Variants in IL1RAPL1 observed in about 807,000 individuals in gnomAD.
IL1RAPL1 encodes the protein interleukin-1 receptor accessory protein-like 1.
IL1RAPL1 carries 3 observed loss-of-function variants against 48.4 expected under a neutral mutation model. That is an observed-to-expected ratio of 0.06 (90% CI 0.03 to 0.16). The LOEUF is 0.16. IL1RAPL1 is among the 10% of genes least tolerant of loss of function. The pLI is 1.00. For missense variants in IL1RAPL1, 349 were observed against 530.6 expected (o/e 0.66, Z 3.36); for synonymous variants, 185 against 187.7 (o/e 0.99, Z 0.12).
chrX:29,115,021 C>T (rs950628448), intron 2 of IL1RAPL1, among the ~76,000 whole-genome samples: 1 of 111,593 alleles, frequency 9.0e-6, no homozygotes, highest in Non-Finnish European at 1.9e-5. Context: ...CTTAAAGGAC[C>T]TCAAATATTT....
At chrX:29,226,906 A>G (rs1219487655) in intron 2 of IL1RAPL1, among the ~76,000 whole-genome samples, 4 of 111,759 alleles carry the variant, frequency 3.6e-5, no homozygotes, top group African/African-American at 9.8e-5. Flanking sequence ...AGACAAAATA[A>G]TAACATTCCA....
chrX:29,810,393 G>T (rs1712196661), intron 6 of IL1RAPL1, among the ~76,000 whole-genome samples: 1 of 110,352 alleles, frequency 9.1e-6, no homozygotes, highest in South Asian at 3.9e-4. Context: ...GTTTCACCAT[G>T]TTGGCCAGGC....
chrX:29,917,424 A>G, intron 6 of IL1RAPL1, 40 bp from the exon 7 acceptor site: 2 of 1,190,050 alleles, frequency 1.7e-6, no homozygotes, highest in African/African-American at 1.7e-5. Context: ...AAGTGTGAAC[A>G]AATAGTTTTA....
chrX:29,738,145 T>C (rs1283614991), intron 6 of IL1RAPL1, among the ~76,000 whole-genome samples: 5 of 112,186 alleles, frequency 4.5e-5, no homozygotes, highest in Non-Finnish European at 9.4e-5. Flanking sequence ...ACTTTGCGAA[T>C]CAATTCCAGA....
At chrX:29,485,636 C>T (rs748125775) in intron 5 of IL1RAPL1, among the ~76,000 whole-genome samples, 1 of 111,487 alleles carries the variant, frequency 9.0e-6, no homozygotes, top group South Asian at 3.8e-4. Flanking sequence ...ACAGTCCTTT[C>T]ATGCTATATG....
chrX:29,202,140 A>G (rs1230968935), intron 2 of IL1RAPL1, among the ~76,000 whole-genome samples: 2 of 112,653 alleles, frequency 1.8e-5, no homozygotes, highest in Non-Finnish European at 3.7e-5. Flanking sequence ...AATATCCAGC[A>G]TCTATAGGGA....
chrX:29,720,544 G>C (rs963975150), intron 6 of IL1RAPL1, among the ~76,000 whole-genome samples: 1 of 110,969 alleles, frequency 9.0e-6, no homozygotes, highest in Non-Finnish European at 1.9e-5. Flanking sequence ...ATAAGTGGGA[G>C]TTGAACAATG....
At chrX:29,252,321 G>A (rs1338558578) in intron 2 of IL1RAPL1, among the ~76,000 whole-genome samples, 11 of 112,921 alleles carry the variant, frequency 9.7e-5, no homozygotes, top group African/African-American at 3.6e-4. Flanking sequence ...GAGAAAAGAT[G>A]GAAGCAAATA....
chrX:29,733,782 A>G, intron 6 of IL1RAPL1, among the ~76,000 whole-genome samples: 1 of 112,502 alleles, frequency 8.9e-6, no homozygotes. Flanking sequence ...CATATACCAA[A>G]TAAGAATTAA....
chrX:29,507,811 C>G (rs1345910660), intron 5 of IL1RAPL1, among the ~76,000 whole-genome samples: 1 of 111,001 alleles, frequency 9.0e-6, no homozygotes, highest in African/African-American at 3.3e-5. Flanking sequence ...TGTGCCTATT[C>G]CAGTATTGAT....
At chrX:29,752,108 A>G (rs113355829) in intron 6 of IL1RAPL1, among the ~76,000 whole-genome samples, 1 of 100,471 alleles carries the variant, frequency 1.0e-5, no homozygotes. Flanking sequence ...ATATATACAC[A>G]CATATATATA....
chrX:28,859,989 A>G (rs1292641490), intron 2 of IL1RAPL1, among the ~76,000 whole-genome samples: 1 of 111,124 alleles, frequency 9.0e-6, no homozygotes, highest in African/African-American at 3.3e-5. Flanking sequence ...CATTGAAGGT[A>G]CCACTCACTT....
intron 2 of IL1RAPL1, among the ~76,000 whole-genome samples, chrX:29,268,770 T>C (rs1931995534): frequency 8.9e-6 from 1 of 112,165 alleles, no homozygotes; most frequent in African/African-American, 3.2e-5. Flanking sequence ...GCTAGAACAG[T>C]GCCCTAGGAT....
intron 1 of IL1RAPL1, among the ~76,000 whole-genome samples, chrX:28,724,966 T>C (rs1166986220): frequency 2.8e-5 from 3 of 106,456 alleles, no homozygotes; most frequent in African/African-American, 1.0e-4. Flanking sequence ...TTTTTTTTTT[T>C]TCTGAGACGG....
chrX:29,172,365 TCAAGA>T (rs1220397410), intron 2 of IL1RAPL1, among the ~76,000 whole-genome samples: 2 of 111,707 alleles, frequency 1.8e-5, no homozygotes, highest in Non-Finnish European at 3.8e-5. Context: ...TGGTCCCTGT[TCAAGA>T]CATAGTGAAT....
intron 4 of IL1RAPL1, among the ~76,000 whole-genome samples, chrX:29,398,933 G>T (rs992990474): frequency 1.8e-5 from 2 of 111,898 alleles, no homozygotes; most frequent in Non-Finnish European, 3.8e-5. Flanking sequence ...AGTATTCATT[G>T]GTTCAAAAAT....
chrX:29,213,689 C>A (rs1930814587), intron 2 of IL1RAPL1, among the ~76,000 whole-genome samples: 1 of 112,718 alleles, frequency 8.9e-6, no homozygotes, highest in Non-Finnish European at 1.9e-5. Flanking sequence ...ACTGCTTGTT[C>A]TTTCTCCTTT....
At chrX:29,475,932 G>A (rs1014680124) in intron 5 of IL1RAPL1, among the ~76,000 whole-genome samples, 1 of 110,525 alleles carries the variant, frequency 9.0e-6, no homozygotes, top group East Asian at 2.8e-4. Flanking sequence ...TGGAAACTTA[G>A]CATGACTATA....
At chrX:29,825,906 T>TC (rs1930727692) in intron 6 of IL1RAPL1, among the ~76,000 whole-genome samples, 1 of 111,279 alleles carries the variant, frequency 9.0e-6, no homozygotes, top group Non-Finnish European at 1.9e-5. Context: ...CTGAATGTAG[T>TC]TCGCCGACTC....
Sources: gnomAD v4.1 joint callset for allele counts (sites outside exome capture counted in the v4.1 genomes callset) on GRCh38, gnomAD v4.1.1 for gene constraint, MANE v1.5 for transcripts, NCBI Gene and HGNC (gene_info 2026-07-23, HGNC 2026-07-21) for gene names.